Variants in CHRNA3 observed in about 807,000 individuals in gnomAD.
CHRNA3 encodes cholinergic receptor nicotinic alpha 3 subunit, also known as neuronal acetylcholine receptor subunit alpha-3.
In CHRNA3, 34 loss-of-function variants were observed where a neutral mutation model predicts 41.9. The observed-to-expected ratio is 0.81, with a 90% confidence interval of 0.62 to 1.08. The LOEUF is 1.08. Among genes scored for constraint, CHRNA3 ranks in the 50% least tolerant of loss-of-function variants. The probability of loss-of-function intolerance (pLI) is 0.00; values close to 1 mark genes in which losing one functional copy is unlikely to be tolerated. For synonymous variants in CHRNA3, 281 were observed against 265.2 expected, an observed-to-expected ratio of 1.06 and a Z score of -0.58; for missense variants, 542 against 638.3, an observed-to-expected ratio of 0.85 and a Z score of 1.63.
intron 4 of CHRNA3, among the ~76,000 whole-genome samples, chr15:78,608,907 G>A (rs1244401498): frequency 1.3e-5 from 2 of 152,332 alleles, no homozygotes; most frequent in African/African-American, 2.4e-5. Flanking sequence ...GGAGCTGAAA[G>A]CCAAGGCTGG....
intron 4 of CHRNA3, among the ~76,000 whole-genome samples, chr15:78,608,260 GCCT>G (rs1292895550): frequency 6.6e-6 from 1 of 152,218 alleles, no homozygotes; most frequent in Non-Finnish European, 1.5e-5. Flanking sequence ...CGGGCAGACT[GCCT>G]CCTCAAGTGG....
intron 2 of CHRNA3, 50 bp from the exon 3 acceptor site, chr15:78,618,711 T>C: frequency 1.2e-6 from 2 of 1,614,086 alleles, no homozygotes; most frequent in Non-Finnish European, 1.7e-6. Flanking sequence ...CAAGACTAAT[T>C]CTGGGAAAGG....
rs201168437 is a variant in CHRNA3, at chr15:78,601,393, C to T, written c.1249G>A (p.Ala417Thr). The T allele has an allele frequency of 6.2e-7, 1 of 1,614,196 alleles. No homozygotes were observed. The highest frequency in any genetic ancestry group is 8.5e-7 in the Non-Finnish European group (1 of 1,180,046). ...GAACTAGAGCTTCTCGTGAGGTTAG[C>T]ACTGAAATTGGAGATTTTTATCCTG... ...HRRIKISNFS[A>T]NLTRSSSSES... Residue 417 changes from alanine (A) to threonine (T), a missense_variant, in exon 5 of 6, where the codon GCT becomes ACT. Coordinates refer to ENST00000326828, the MANE Select transcript of CHRNA3 (RefSeq NM_000743.5).
intron 1 of CHRNA3, chr15:78,619,330 G>C (rs4243084): frequency 0.3 from 58,433 of 197,522 alleles, 9,334 homozygotes; most frequent in Middle Eastern, 0.4. Flanking sequence ...TGGTGCTGCG[G>C]TAAGAGGTCA....
chr15:78,617,090 C>T lies in CHRNA3; in HGVS notation c.311G>A (p.Gly104Asp). The T allele has an allele frequency of 6.2e-7, 1 of 1,613,884 alleles. No homozygotes were observed. Among genetic ancestry groups the T allele is most frequent in the South Asian group, 1.1e-5 (1 of 91,062 alleles). The change falls in exon 4 of 6, where the codon GGT becomes GAT. Residue 104 changes from glycine to aspartate, a missense_variant. Gly to Asp is a moderately conservative substitution (Grantham distance 94). Coordinates refer to ENST00000326828, the MANE Select transcript of CHRNA3 (RefSeq NM_000743.5). ...YKLKWNPSDY[G>D]GAEFMRVPAQ... The stretch of plus-strand genomic sequence containing the variant: ...AGGGACACGCATGAACTCTGCCCCA[C>T]CATAGTCAGAGGGGTTCCATTTCAG...
chr15:78,602,066 G>C lies in CHRNA3; in HGVS notation c.576C>G (p.Ile192Met), dbSNP rs8192481. The C allele has an allele frequency of 2.5e-6, 4 of 1,614,162 alleles. No individual in the cohort carries two copies. The highest frequency in any genetic ancestry group is 3.4e-6 in the Non-Finnish European group (4 of 1,180,032). Residue 192 changes from isoleucine (I) to methionine (M), a missense_variant, in exon 5 of 6, where the codon ATC becomes ATG. Coordinates refer to ENST00000326828, the MANE Select transcript of CHRNA3 (RefSeq NM_000743.5). ...YDKAKIDLVL[I>M]GSSMNLKDYW... ...AGTCCTTGAGGTTCATGGAAGAGCC[G>C]ATCAGGACCAGATCGATTTTCGCCT...
intron 5 of CHRNA3, among the ~76,000 whole-genome samples, chr15:78,600,401 G>A (rs1391660005): frequency 6.6e-6 from 1 of 152,154 alleles, no homozygotes; most frequent in African/African-American, 2.4e-5. Flanking sequence ...AAGCAGGGAG[G>A]GAGACACTGA....
At chr15:78,618,729 A>G (rs760098949) in intron 2 of CHRNA3, 47 bp downstream of exon 2, 2 of 1,614,076 alleles carry the variant, frequency 1.2e-6, no homozygotes, top group Admixed American at 1.7e-5. Context: ...AGGCTCCTCC[A>G]GAAGCCCCGG....
intron 5 of CHRNA3, among the ~76,000 whole-genome samples, chr15:78,599,479 T>C (rs1378561314): frequency 6.6e-6 from 1 of 151,464 alleles, no homozygotes; most frequent in Non-Finnish European, 1.5e-5. Context: ...AGGGGAGAGC[T>C]AGGGAGATCT....
At chr15:78,597,507 A>G (rs565919228) in intron 5 of CHRNA3, among the ~76,000 whole-genome samples, 1 of 152,028 alleles carries the variant, frequency 6.6e-6, no homozygotes, top group East Asian at 1.9e-4. Flanking sequence ...GTCCATCCTC[A>G]TCACTCTTTC....
At chr15:78,614,186 C>A (rs2053428016) in intron 4 of CHRNA3, among the ~76,000 whole-genome samples, 1 of 152,326 alleles carries the variant, frequency 6.6e-6, no homozygotes, top group South Asian at 2.1e-4. Flanking sequence ...TCCAGCTGTT[C>A]ACTCAAGATT....
chr15:78,593,317 A>C (rs2053042569), downstream of CHRNA3: 1 of 1,441,012 alleles, frequency 6.9e-7, no homozygotes, highest in South Asian at 1.5e-5. Flanking sequence ...CACCTATAAA[A>C]TTATGAAAAT....
At chr15:78,613,930 A>G (rs2053424240) in intron 4 of CHRNA3, among the ~76,000 whole-genome samples, 2 of 151,830 alleles carry the variant, frequency 1.3e-5, no homozygotes, top group African/African-American at 4.8e-5. Flanking sequence ...TGGGCGACAG[A>G]GTGAGACTCC....
chr15:78,620,561 G>C, intron 1 of CHRNA3, 152 bp downstream of exon 1: 1 of 1,298,922 alleles, frequency 7.7e-7, no homozygotes, highest in East Asian at 3.2e-5. Context: ...GTCGCCGCCG[G>C]GCTGGAGCCA....
rs748983960 is a variant in CHRNA3 at position 78,602,265 on chromosome 15, C to A, written c.378-1G>T. ...GTCCACCTGGAAATCCCCAACAGCA[C>A]TGCAAAGACAAAGAGGGGGCACAGT... is the stretch of plus-strand genomic sequence containing the variant. On this transcript the variant is annotated splice_acceptor_variant, in intron 4 of 5. Transcript: ENST00000326828. LOFTEE classifies it high-confidence loss of function. 1.2e-6 allele frequency: 2 copies of A among 1,612,266 alleles called. No individual in the cohort carries two copies. Among genetic ancestry groups the A allele is most frequent in the Non-Finnish European group, 1.7e-6 (2 of 1,178,758 alleles).
chr15:78,608,113 G>A (rs550814066), intron 4 of CHRNA3, among the ~76,000 whole-genome samples: 1 of 152,234 alleles, frequency 6.6e-6, no homozygotes, highest in Non-Finnish European at 1.5e-5. Context: ...AAGGAGGCCT[G>A]CCTGCCTCTA....
In CHRNA3 at chr15:78,618,905, G is replaced by A. The variant is rs2053507737; in HGVS notation, c.93C>T (p.Ala31=). 6.2e-7 allele frequency: 1 copy of A among 1,613,276 alleles called. No homozygotes were observed. Among genetic ancestry groups the A allele is most frequent in the African/African-American group, 1.3e-5 (1 of 74,914 alleles). The change falls in exon 2 of 6, where the codon GCC becomes GCT. Residue 31 remains alanine (A), a synonymous_variant. Coordinates refer to ENST00000326828, the MANE Select transcript of CHRNA3 (RefSeq NM_000743.5). ...LLLSLLPVAR[A]SEAEHRLFER... The stretch of plus-strand genomic sequence containing the variant: ...CAAATAGACGGTGCTCAGCCTCTGA[G>A]GCCCTGGCCACTGTGGGAAGCAGCC...
rs140788155 is a variant in CHRNA3 at position 78,619,481 on chromosome 15, T to C, written c.83-566A>G. On this transcript the variant is annotated intron_variant, in intron 1 of 5. Transcript: ENST00000326828. ...CTCCCAGGGGCAGGGCCAACCACGGTCGCCCAGGCCCAGGTCTTCTACCTC... is the reference window on the plus strand; with the variant it reads ...CTCCCAGGGGCAGGGCCAACCACGGCCGCCCAGGCCCAGGTCTTCTACCTC... Among the ~76,000 whole-genome samples, 1,354 of 152,146 alleles carry C rather than the reference T, an allele frequency of 8.9e-3. 11 individuals carry two copies. The highest frequency in any genetic ancestry group is 0.013 in the Non-Finnish European group (897 of 67,982).
chr15:78,608,010 G>A (rs1014279954), intron 4 of CHRNA3, among the ~76,000 whole-genome samples: 14 of 152,210 alleles, frequency 9.2e-5, no homozygotes, highest in African/African-American at 2.4e-4. Context: ...AGGCGGCAGC[G>A]ATGCTGGGGG....
Sources: allele counts gnomAD v4.1 joint callset (sites outside exome capture counted in the v4.1 genomes callset), GRCh38; gene constraint gnomAD v4.1.1; transcripts MANE v1.5; gene names NCBI Gene and HGNC (gene_info 2026-07-23, HGNC 2026-07-21).